OR1L8: variants seen among roughly 807,000 people sequenced by gnomAD.
The protein encoded by OR1L8 is olfactory receptor 1L8.
For missense variants in OR1L8, 330 were observed against 377.4 expected, an observed-to-expected ratio of 0.87 and a Z score of 1.04; for synonymous variants, 148 against 147.0, an observed-to-expected ratio of 1.01 and a Z score of -0.05.
intron 4 of OR1L8, among the ~76,000 whole-genome samples, chr9:122,571,995 T>C (rs1829561632): frequency 6.6e-6 from 1 of 152,198 alleles, no homozygotes; most frequent in Non-Finnish European, 1.5e-5. Context: ...CAGTTTCTGA[T>C]TCTGGGGAGG....
chr9:122,574,900 A>C (rs913322416), intron 3 of OR1L8, among the ~76,000 whole-genome samples: 2 of 152,072 alleles, frequency 1.3e-5, no homozygotes, highest in African/African-American at 2.4e-5. Context: ...AGTTTTTAGA[A>C]TCATAGATGG....
At chr9:122,574,805 G>A (rs886065300) in intron 3 of OR1L8, among the ~76,000 whole-genome samples, 10 of 152,072 alleles carry the variant, frequency 6.6e-5, no homozygotes, top group Admixed American at 3.3e-4. Context: ...TCGCCATCAT[G>A]TATAATGTTA....
At chr9:122,583,073 C>T (rs1039339101) in intron 1 of OR1L8, among the ~76,000 whole-genome samples, 3 of 151,746 alleles carry the variant, frequency 2.0e-5, no homozygotes, top group South Asian at 2.1e-4. Flanking sequence ...AATAGCAATA[C>T]GTTTTGATGT....
rs1475959956 is a variant in OR1L8 at position 122,567,383 on chromosome 9, C to T, written c.*165G>A. On this transcript the variant is annotated 3_prime_UTR_variant, in exon 5 of 5. Transcript: ENST00000641027. ...CGATTGTGATTTAAGAGATACAGGC[C>T]GAATTGTTGGGTCATCATCAATGGA... 3.9e-6 allele frequency: 2 copies of T among 512,558 alleles called. No individual in the cohort carries two copies. The highest frequency in any genetic ancestry group is 3.7e-5 in the Admixed American group (1 of 27,242). 31.8% of individuals were successfully genotyped at this position (512,558 alleles called of 1,614,324 possible).
the OR1L8 span, among the ~76,000 whole-genome samples, chr9:122,560,139 T>C: frequency 5.3e-5 from 8 of 152,196 alleles, no homozygotes; most frequent in East Asian, 7.7e-4. Flanking sequence ...TGTCAGAGAC[T>C]AGGATCACAA....
At chr9:122,570,815 A>T (rs1304085306) in intron 4 of OR1L8, among the ~76,000 whole-genome samples, 4 of 147,820 alleles carry the variant, frequency 2.7e-5, no homozygotes, top group Admixed American at 6.9e-5. Context: ...AGTCAATAAT[A>T]TTAACAAATA....
the OR1L8 span, among the ~76,000 whole-genome samples, chr9:122,558,036 A>G: frequency 6.6e-6 from 1 of 151,734 alleles, no homozygotes; most frequent in East Asian, 1.9e-4. Flanking sequence ...TTCAATGTTC[A>G]TGGGATTTGT....
At chr9:122,555,268 A>G in the OR1L8 span, among the ~76,000 whole-genome samples, 1 of 152,174 alleles carries the variant, frequency 6.6e-6, no homozygotes. Context: ...AATATTGCTT[A>G]AGGATCTTCC....
At chr9:122,547,124 AAAT>A in the OR1L8 span, among the ~76,000 whole-genome samples, 1 of 151,476 alleles carries the variant, frequency 6.6e-6, no homozygotes, top group South Asian at 2.1e-4. Context: ...CCACATAAAA[AAAT>A]AATAATTTAA....
chr9:122,569,797 T>C (rs1004253249), intron 4 of OR1L8, among the ~76,000 whole-genome samples: 1 of 152,148 alleles, frequency 6.6e-6, no homozygotes, highest in Non-Finnish European at 1.5e-5. Context: ...TCATTTAGCA[T>C]TAGATATATC....
chr9:122,554,053 A>G, the OR1L8 span: 7 of 1,613,570 alleles, frequency 4.3e-6, no homozygotes, highest in South Asian at 5.5e-5. Flanking sequence ...GCTGTTCTCT[A>G]TATGGTGATT....
chr9:122,582,700 A>C (rs1284821856), intron 1 of OR1L8, among the ~76,000 whole-genome samples: 1 of 152,172 alleles, frequency 6.6e-6, no homozygotes, highest in Non-Finnish European at 1.5e-5. Context: ...GGGTTGACAG[A>C]GTGAGACCCT....
chr9:122,561,038 T>C, the OR1L8 span, among the ~76,000 whole-genome samples: 10 of 152,340 alleles, frequency 6.6e-5, no homozygotes, highest in African/African-American at 2.4e-4. Context: ...TTCATTCTTT[T>C]TCCTTTAATC....
At chr9:122,580,778 GT>G (rs71508168) in intron 1 of OR1L8, among the ~76,000 whole-genome samples, 16,630 of 152,040 alleles carry the variant, frequency 0.11, 1,096 homozygotes, top group South Asian at 0.18. Flanking sequence ...TGTTGTATTT[GT>G]TTTTTGTTTT....
At chr9:122,547,805 T>C in the OR1L8 span, among the ~76,000 whole-genome samples, 1 of 152,202 alleles carries the variant, frequency 6.6e-6, no homozygotes, top group African/African-American at 2.4e-5. Context: ...TTTGAGTATA[T>C]ACCTAGTAGT....
At chr9:122,553,409 G>A in the OR1L8 span, 10 of 1,614,040 alleles carry the variant, frequency 6.2e-6, no homozygotes, top group Middle Eastern at 1.7e-4. Context: ...ACTTCTTTCT[G>A]GCCAACCTGT....
intron 3 of OR1L8, among the ~76,000 whole-genome samples, chr9:122,575,611 A>C (rs931608053): frequency 6.6e-6 from 1 of 152,136 alleles, no homozygotes; most frequent in Non-Finnish European, 1.5e-5. Flanking sequence ...GCATGGTTAG[A>C]AGCTTATCAA....
chr9:122,549,485 A>G, the OR1L8 span, among the ~76,000 whole-genome samples: 2 of 152,204 alleles, frequency 1.3e-5, no homozygotes, highest in Admixed American at 6.5e-5. Flanking sequence ...TAGGATTTGT[A>G]TAGTTTCAGG....
At chr9:122,557,106 A>G in the OR1L8 span, among the ~76,000 whole-genome samples, 26 of 152,110 alleles carry the variant, frequency 1.7e-4, no homozygotes, top group Non-Finnish European at 3.4e-4. Flanking sequence ...CCTTGCTATA[A>G]TTCTTTTAGT....
Sources: allele counts gnomAD v4.1 joint callset (sites outside exome capture counted in the v4.1 genomes callset), GRCh38; gene constraint gnomAD v4.1.1; transcripts MANE v1.5; gene names NCBI Gene and HGNC (gene_info 2026-07-23, HGNC 2026-07-21).